Variants in DNAJC1 observed in about 807,000 individuals in gnomAD.
DNAJC1 encodes DnaJ heat shock protein family (Hsp40) member C1, also known as dnaJ homolog subfamily C member 1.
Under a neutral mutation model 76.6 loss-of-function variants are expected in DNAJC1, and 58 were observed. The observed-to-expected ratio is 0.76, with a 90% CI of 0.61 to 0.94. The LOEUF is 0.94. DNAJC1 is among the 40% of genes least tolerant of loss of function. The pLI is 0.00. For missense variants in DNAJC1, 689 were observed against 677.3 expected (o/e 1.02, Z -0.19); for synonymous variants, 258 against 267.9 (o/e 0.96, Z 0.36).
intron 7 of DNAJC1, among the ~76,000 whole-genome samples, chr10:21,893,786 C>T (rs893410024): frequency 6.6e-6 from 1 of 151,090 alleles, no homozygotes; most frequent in African/African-American, 2.4e-5. Flanking sequence ...AAGACCAAAA[C>T]AATCCAAAAG....
intron 1 of DNAJC1, among the ~76,000 whole-genome samples, chr10:22,002,955 G>A (rs1041132292): frequency 1.3e-5 from 2 of 152,140 alleles, no homozygotes; most frequent in Non-Finnish European, 2.9e-5. Flanking sequence ...GCAGAGAGAA[G>A]GCATCGCCAC....
chr10:21,998,140 C>T (rs1426464880), intron 1 of DNAJC1, among the ~76,000 whole-genome samples: 1 of 151,964 alleles, frequency 6.6e-6, no homozygotes, highest in Non-Finnish European at 1.5e-5. Flanking sequence ...CCTGTAATCC[C>T]AACACTTTGG....
At chr10:21,936,511 TG>T (rs1258069947) in intron 1 of DNAJC1, among the ~76,000 whole-genome samples, 1 of 152,220 alleles carries the variant, frequency 6.6e-6, no homozygotes, top group East Asian at 1.9e-4. Context: ...TATAAATCTA[TG>T]TCTATGGCAG....
chr10:21,894,630 G>A (rs968407171), intron 7 of DNAJC1, among the ~76,000 whole-genome samples: 3 of 152,124 alleles, frequency 2.0e-5, no homozygotes, highest in South Asian at 2.1e-4. Flanking sequence ...ATATGAAGCT[G>A]GCATTACCAA....
chr10:21,891,800 G>A (rs1382258592), intron 7 of DNAJC1, among the ~76,000 whole-genome samples: 2 of 152,084 alleles, frequency 1.3e-5, no homozygotes, highest in African/African-American at 2.4e-5. Flanking sequence ...GACCTATCCT[G>A]CAATAATGGC....
chr10:21,870,410 T>A (rs1402295876), intron 8 of DNAJC1, among the ~76,000 whole-genome samples: 1 of 151,946 alleles, frequency 6.6e-6, no homozygotes, highest in African/African-American at 2.4e-5. Flanking sequence ...CAAAACTATA[T>A]AATCGACTTT....
At chr10:21,767,352 T>C (rs545203348) in intron 9 of DNAJC1, among the ~76,000 whole-genome samples, 1 of 152,370 alleles carries the variant, frequency 6.6e-6, no homozygotes, top group South Asian at 2.1e-4. Flanking sequence ...TATAGCTTGC[T>C]CTTTCTTCAT....
rs1000379406 is a variant in DNAJC1, at chr10:21,856,426, C to T, written c.978+25856G>A. On this transcript the variant is annotated intron_variant, in intron 8 of 11. Transcript: ENST00000376980. ...TGTATGTCTTTGAGGATATTTATAT[C>T]TATTGTAGCTGCATGGTGGAAATAC... Among the ~76,000 whole-genome samples, 4 of 152,190 alleles carry T rather than the reference C, an allele frequency of 2.6e-5. No individual in the cohort carries two copies. In the East Asian group the frequency reaches 5.8e-4, roughly 22 times the overall value.
chr10:21,880,737 CATA>C (rs1281746319), intron 8 of DNAJC1, among the ~76,000 whole-genome samples: 1 of 152,130 alleles, frequency 6.6e-6, no homozygotes, highest in Non-Finnish European at 1.5e-5. Flanking sequence ...ATGGATTTAG[CATA>C]ATTCTTGAGT....
chr10:21,844,998 A>G (rs1001832803), intron 8 of DNAJC1, among the ~76,000 whole-genome samples: 1 of 152,196 alleles, frequency 6.6e-6, no homozygotes, highest in Non-Finnish European at 1.5e-5. Context: ...GATCATGCCA[A>G]TGCACTCCAG....
chr10:21,852,023 A>C (rs1835763706), intron 8 of DNAJC1, among the ~76,000 whole-genome samples: 1 of 151,928 alleles, frequency 6.6e-6, no homozygotes, highest in African/African-American at 2.4e-5. Flanking sequence ...GCTGCACTCC[A>C]GCCTGAGCGA....
intron 8 of DNAJC1, among the ~76,000 whole-genome samples, chr10:21,853,335 G>A (rs931384681): frequency 6.6e-6 from 1 of 152,050 alleles, no homozygotes; most frequent in Non-Finnish European, 1.5e-5. Flanking sequence ...GTTAGTTCAT[G>A]AGAAAGTGAG....
chr10:21,773,412 T>A (rs1053194765), intron 9 of DNAJC1, among the ~76,000 whole-genome samples: 11 of 152,186 alleles, frequency 7.2e-5, no homozygotes, highest in African/African-American at 2.7e-4. Flanking sequence ...GTGTGTTAAT[T>A]CCCAAACATC....
At chr10:21,953,440 AT>A (rs1255618420) in intron 1 of DNAJC1, among the ~76,000 whole-genome samples, 2 of 152,010 alleles carry the variant, frequency 1.3e-5, no homozygotes, top group Non-Finnish European at 2.9e-5. Flanking sequence ...TTAAATAGCC[AT>A]TTTTTCAAAT....
chr10:21,933,794 T>C (rs1590055714), intron 1 of DNAJC1, among the ~76,000 whole-genome samples: 2 of 152,224 alleles, frequency 1.3e-5, no homozygotes, highest in South Asian at 4.1e-4. Flanking sequence ...TAGTGACATG[T>C]TACCCTTCCT....
intron 1 of DNAJC1, among the ~76,000 whole-genome samples, chr10:21,936,372 C>T (rs1837312689): frequency 6.6e-6 from 1 of 152,150 alleles, no homozygotes; most frequent in South Asian, 2.1e-4. Context: ...CAGACTAAAA[C>T]AGGTAACTAC....
intron 10 of DNAJC1, among the ~76,000 whole-genome samples, chr10:21,764,663 G>A (rs374415530): frequency 2.7e-4 from 41 of 152,150 alleles, no homozygotes; most frequent in Non-Finnish European, 5.1e-4. Flanking sequence ...CACTGCTTAC[G>A]GATTCTTTGT....
At chr10:21,988,689 T>G (rs995740757) in intron 1 of DNAJC1, among the ~76,000 whole-genome samples, 27 of 152,176 alleles carry the variant, frequency 1.8e-4, no homozygotes, top group African/African-American at 6.5e-4. Flanking sequence ...TGTTTTCTTT[T>G]GTGAATCTCT....
At chr10:21,886,143 GTCA>G (rs1213125898) in intron 7 of DNAJC1, among the ~76,000 whole-genome samples, 1 of 152,044 alleles carries the variant, frequency 6.6e-6, no homozygotes, top group Non-Finnish European at 1.5e-5. Flanking sequence ...GATGAAGGGT[GTCA>G]TCATTACCAC....
Sources: allele counts gnomAD v4.1 joint callset (sites outside exome capture counted in the v4.1 genomes callset), GRCh38; gene constraint gnomAD v4.1.1; transcripts MANE v1.5; gene names NCBI Gene and HGNC (gene_info 2026-07-23, HGNC 2026-07-21).